Variants in ELAPOR2 observed in about 807,000 individuals in gnomAD.
ELAPOR2 encodes endosome-lysosome associated apoptosis and autophagy regulator family member 2.
In ELAPOR2, 89 loss-of-function variants were observed where a neutral mutation model predicts 120.7. The observed-to-expected ratio is 0.74, with a 90% CI of 0.62 to 0.88. ELAPOR2 has a LOEUF of 0.88. Ranked by LOEUF, ELAPOR2 falls within the 40% of genes least tolerant of loss-of-function variation. The probability of loss-of-function intolerance (pLI) is 0.00; values close to 1 mark genes in which losing one functional copy is unlikely to be tolerated. For synonymous variants in ELAPOR2, 444 were observed against 444.9 expected (o/e 1.00, Z 0.03); for missense variants, 1,134 against 1,251.6 (o/e 0.91, Z 1.42).
intron 1 of ELAPOR2, among the ~76,000 whole-genome samples, chr7:86,991,919 C>T (rs772471997): frequency 1.3e-5 from 2 of 152,150 alleles, no homozygotes; most frequent in Non-Finnish European, 1.5e-5. Context: ...ATTTCATTTG[C>T]CAGAATTTAG....
At chr7:86,957,962 T>C (rs1353641768) in intron 2 of ELAPOR2, among the ~76,000 whole-genome samples, 1 of 152,170 alleles carries the variant, frequency 6.6e-6, no homozygotes, top group Non-Finnish European at 1.5e-5. Context: ...AAACAACATA[T>C]CTGAGCCTTT....
chr7:86,932,816 G>T lies in ELAPOR2; in HGVS notation c.1089+5310C>A, dbSNP rs562315569. ...ATTTCCCTGGAAATCTTCTTTGCAA[G>T]TAATTATTTTCTCTTTTCTCAGTGC... On this transcript the variant is annotated intron_variant, in intron 8 of 21. Coordinates refer to ENST00000450689, the MANE Select transcript of ELAPOR2 (RefSeq NM_001142749.3). Among the ~76,000 whole-genome samples, 5 of 151,946 alleles carry T rather than the reference G, an allele frequency of 3.3e-5. No homozygotes were observed. In the South Asian group the frequency reaches 1.0e-3, roughly 32 times the overall value.
At chr7:86,910,420 T>C (rs1789246552) in intron 15 of ELAPOR2, among the ~76,000 whole-genome samples, 1 of 152,172 alleles carries the variant, frequency 6.6e-6, no homozygotes, top group Non-Finnish European at 1.5e-5. Flanking sequence ...TTTTCCTTTA[T>C]GACCCTATGT....
At chr7:86,959,254 T>C (rs1269538539) in intron 2 of ELAPOR2, among the ~76,000 whole-genome samples, 3 of 152,244 alleles carry the variant, frequency 2.0e-5, no homozygotes. Context: ...CATCAGATCA[T>C]GTCATCTGCA....
chr7:87,035,780 ATTCTAT>A (rs1794567245), intron 1 of ELAPOR2, among the ~76,000 whole-genome samples: 1 of 152,202 alleles, frequency 6.6e-6, no homozygotes, highest in Non-Finnish European at 1.5e-5. Context: ...AAATTTTCCC[ATTCTAT>A]GCTTGAACAT....
At chr7:86,972,920 A>C (rs1792153946) in intron 1 of ELAPOR2, among the ~76,000 whole-genome samples, 1 of 152,158 alleles carries the variant, frequency 6.6e-6, no homozygotes, top group South Asian at 2.1e-4. Flanking sequence ...ATTGTCATTA[A>C]AAATATTAAC....
chr7:86,917,371 C>T (rs1320393427), intron 12 of ELAPOR2, among the ~76,000 whole-genome samples: 3 of 151,950 alleles, frequency 2.0e-5, no homozygotes, highest in Admixed American at 6.6e-5. Context: ...GAGCCGAGAT[C>T]GCACCACTGC....
At chr7:86,938,052 CA>C (rs1790639505) in intron 8 of ELAPOR2, 73 bp downstream of exon 8, 1 of 1,130,762 alleles carries the variant, frequency 8.8e-7, no homozygotes, top group African/African-American at 1.5e-5. Flanking sequence ...CTCTCACGAA[CA>C]AATTAGAGTC....
At chr7:86,981,698 T>C (rs918443375) in intron 1 of ELAPOR2, among the ~76,000 whole-genome samples, 1 of 152,218 alleles carries the variant, frequency 6.6e-6, no homozygotes, top group Non-Finnish European at 1.5e-5. Context: ...AGTTCCAAGA[T>C]AGCCAAATAG....
At chr7:87,034,161 A>G (rs1794506517) in intron 1 of ELAPOR2, among the ~76,000 whole-genome samples, 1 of 152,176 alleles carries the variant, frequency 6.6e-6, no homozygotes, top group Admixed American at 6.5e-5. Flanking sequence ...AGGACTTTTG[A>G]TATATGTAAT....
chr7:86,997,150 T>G (rs889119731), intron 1 of ELAPOR2, among the ~76,000 whole-genome samples: 48 of 152,344 alleles, frequency 3.2e-4, no homozygotes, highest in Non-Finnish European at 5.6e-4. Context: ...TGTTTCATGC[T>G]TTGTGTAGAT....
chr7:86,961,067 T>C (rs1320718908), intron 2 of ELAPOR2, among the ~76,000 whole-genome samples: 1 of 152,160 alleles, frequency 6.6e-6, no homozygotes, highest in Non-Finnish European at 1.5e-5. Context: ...ATACAAAAAC[T>C]ATACACACAT....
intron 1 of ELAPOR2, among the ~76,000 whole-genome samples, chr7:87,045,626 G>A (rs1206767327): frequency 1.4e-5 from 2 of 148,058 alleles, no homozygotes; most frequent in Non-Finnish European, 3.0e-5. Context: ...GGGGAGGAGG[G>A]AGGGATAGCA....
intron 1 of ELAPOR2, among the ~76,000 whole-genome samples, chr7:87,037,041 A>G (rs77941970): frequency 0.021 from 3,155 of 152,166 alleles, 55 homozygotes; most frequent in Non-Finnish European, 0.033. Context: ...TTCTGTGCTA[A>G]TGCTAATCCT....
At chr7:87,048,965 TAACA>T (rs1055382428) in intron 1 of ELAPOR2, among the ~76,000 whole-genome samples, 5 of 152,224 alleles carry the variant, frequency 3.3e-5, no homozygotes, top group East Asian at 1.9e-4. Flanking sequence ...TTTTTGATCA[TAACA>T]AACATTGATT....
At chr7:86,948,851 C>G (rs1791115611) in intron 2 of ELAPOR2, among the ~76,000 whole-genome samples, 1 of 152,142 alleles carries the variant, frequency 6.6e-6, no homozygotes, top group African/African-American at 2.4e-5. Context: ...CTTTCTAATC[C>G]TTTAATCAGG....
intron 18 of ELAPOR2, among the ~76,000 whole-genome samples, chr7:86,898,083 A>T (rs1788527681): frequency 1.3e-5 from 2 of 152,204 alleles, no homozygotes; most frequent in Admixed American, 1.3e-4. Context: ...CAAAAGGTGG[A>T]AACAACCCAA....
chr7:87,054,260 C>T (rs1390678800), intron 1 of ELAPOR2, among the ~76,000 whole-genome samples: 1 of 152,182 alleles, frequency 6.6e-6, no homozygotes, highest in African/African-American at 2.4e-5. Context: ...GGAGAAGACA[C>T]TATGATAGGA....
chr7:86,997,746 G>T (rs747106885), intron 1 of ELAPOR2, among the ~76,000 whole-genome samples: 12 of 152,124 alleles, frequency 7.9e-5, no homozygotes, highest in Non-Finnish European at 1.3e-4. Flanking sequence ...CTTTGGTTCT[G>T]TTCTAGATCA....
Sources: gnomAD v4.1 joint callset for allele counts (sites outside exome capture counted in the v4.1 genomes callset) on GRCh38, gnomAD v4.1.1 for gene constraint, MANE v1.5 for transcripts, NCBI Gene and HGNC (gene_info 2026-07-23, HGNC 2026-07-21) for gene names.